UBE2G1: variants seen among roughly 807,000 people sequenced by gnomAD.
The protein encoded by UBE2G1 is ubiquitin-conjugating enzyme E2 G1.
A neutral mutation model predicts 22.7 loss-of-function variants in UBE2G1; 5 were observed. The observed-to-expected ratio is 0.22, with a 90% CI of 0.12 to 0.46. UBE2G1 has a LOEUF of 0.46. UBE2G1 is among the 20% of genes least tolerant of loss of function. The pLI is 0.99. For missense variants in UBE2G1, 88 were observed against 203.9 expected (o/e 0.43, Z 3.46); for synonymous variants, 74 against 67.5 (o/e 1.10, Z -0.47).
At chr17:4,301,627 C>G (rs1969181071) in intron 2 of UBE2G1, 3 of 943,666 alleles carry the variant, frequency 3.2e-6, no homozygotes, top group South Asian at 1.3e-5. Context: ...TGATGGGGCA[C>G]AATTACTTTT....
At chr17:4,362,476 C>T (rs1315791863) in intron 1 of UBE2G1, among the ~76,000 whole-genome samples, 1 of 152,078 alleles carries the variant, frequency 6.6e-6, no homozygotes, top group East Asian at 1.9e-4. Flanking sequence ...ACAGAATAGG[C>T]CCTACAACAA....
chr17:4,365,954 G>C (rs1206861624), intron 1 of UBE2G1, among the ~76,000 whole-genome samples: 1 of 152,050 alleles, frequency 6.6e-6, no homozygotes, highest in Non-Finnish European at 1.5e-5. Flanking sequence ...TGGCGGCCCC[G>C]GCCTGGGGAC....
intron 1 of UBE2G1, among the ~76,000 whole-genome samples, chr17:4,355,067 G>C (rs150600428): frequency 5.3e-5 from 8 of 152,130 alleles, no homozygotes; most frequent in South Asian, 2.1e-4. Context: ...ACTCTAGTCC[G>C]GACAACAGAG....
At chr17:4,291,081 C>T (rs555144143) in intron 3 of UBE2G1, among the ~76,000 whole-genome samples, 1 of 152,264 alleles carries the variant, frequency 6.6e-6, no homozygotes, top group South Asian at 2.1e-4. Context: ...ACACCGAGGG[C>T]CGGGCGTGGT....
chr17:4,273,005 ATT>A (rs1299501292), intron 5 of UBE2G1, among the ~76,000 whole-genome samples: 2 of 152,216 alleles, frequency 1.3e-5, no homozygotes, highest in Non-Finnish European at 2.9e-5. Flanking sequence ...AACTTGCTAA[ATT>A]CTATCTAACT....
intron 5 of UBE2G1, among the ~76,000 whole-genome samples, chr17:4,278,413 T>C (rs916586804): frequency 4.6e-5 from 7 of 151,848 alleles, no homozygotes; most frequent in Non-Finnish European, 8.8e-5. Flanking sequence ...ACACTAACAC[T>C]AACCACAGCT....
chr17:4,353,566 G>T (rs1010034287), intron 1 of UBE2G1, among the ~76,000 whole-genome samples: 3 of 149,738 alleles, frequency 2.0e-5, no homozygotes, highest in Non-Finnish European at 4.4e-5. Flanking sequence ...TGGCGATCTT[G>T]GCTCACTGCA....
At chr17:4,296,932 A>T in intron 2 of UBE2G1, 118 bp from the exon 3 acceptor site, 1 of 808,134 alleles carries the variant, frequency 1.2e-6, no homozygotes, top group Non-Finnish European at 2.0e-6. Context: ...AAGTAAACAA[A>T]TAATCTGGAT....
intron 2 of UBE2G1, chr17:4,302,209 G>A: frequency 2.0e-6 from 1 of 507,072 alleles, no homozygotes; most frequent in Non-Finnish European, 4.0e-6. Flanking sequence ...CAGGCAGCAA[G>A]TGCAATGAAC....
At chr17:4,294,566 G>A (rs1336779058) in intron 3 of UBE2G1, among the ~76,000 whole-genome samples, 3 of 152,036 alleles carry the variant, frequency 2.0e-5, no homozygotes, top group Non-Finnish European at 4.4e-5. Flanking sequence ...TTACCAGAAG[G>A]GAAGTCTCCC....
At chr17:4,348,470 G>A (rs141896939) in intron 1 of UBE2G1, among the ~76,000 whole-genome samples, 1,726 of 149,386 alleles carry the variant, frequency 0.012, 37 homozygotes, top group African/African-American at 0.04. Flanking sequence ...GGAGAATGGC[G>A]TGAATCCGGG....
intron 1 of UBE2G1, among the ~76,000 whole-genome samples, chr17:4,340,764 A>T (rs1969701728): frequency 6.6e-6 from 1 of 150,954 alleles, no homozygotes; most frequent in South Asian, 2.1e-4. Flanking sequence ...TACCCAACAT[A>T]CTATTTTTTT....
intron 3 of UBE2G1, among the ~76,000 whole-genome samples, chr17:4,295,863 C>T (rs907964267): frequency 6.7e-6 from 1 of 148,624 alleles, no homozygotes; most frequent in Non-Finnish European, 1.5e-5. Flanking sequence ...AGAACTGCCA[C>T]CGTGTGGATT....
intron 1 of UBE2G1, among the ~76,000 whole-genome samples, chr17:4,353,659 C>A (rs972258313): frequency 6.6e-6 from 1 of 151,652 alleles, no homozygotes. Context: ...ACTACAGGCA[C>A]GTGCCACCAC....
chr17:4,364,954 C>G (rs905852275), intron 1 of UBE2G1, among the ~76,000 whole-genome samples: 23 of 152,228 alleles, frequency 1.5e-4, no homozygotes, highest in Admixed American at 1.4e-3. Context: ...TTACTGCAAG[C>G]TAACTCCCCC....
intron 5 of UBE2G1, among the ~76,000 whole-genome samples, chr17:4,281,410 C>T (rs757112785): frequency 6.6e-6 from 1 of 152,064 alleles, no homozygotes; most frequent in Admixed American, 6.6e-5. Context: ...GAGAAAGGGA[C>T]AGAAGAAAGC....
intron 1 of UBE2G1, among the ~76,000 whole-genome samples, chr17:4,338,324 A>G (rs1234785141): frequency 6.6e-6 from 1 of 152,194 alleles, no homozygotes; most frequent in Admixed American, 6.5e-5. Context: ...TAAGTATAAA[A>G]TATGTTTCCA....
At chr17:4,355,003 G>C (rs569426861) in intron 1 of UBE2G1, among the ~76,000 whole-genome samples, 1 of 151,956 alleles carries the variant, frequency 6.6e-6, no homozygotes, top group African/African-American at 2.4e-5. Context: ...GAGGGAGGAG[G>C]ATTGCTTGAG....
chr17:4,274,105 C>T (rs931138545), intron 5 of UBE2G1, among the ~76,000 whole-genome samples: 3 of 151,502 alleles, frequency 2.0e-5, no homozygotes, highest in East Asian at 1.9e-4. Flanking sequence ...CTCAGCCTCC[C>T]GAGTAGCTGG....
Sources: gnomAD v4.1 joint callset for allele counts (sites outside exome capture counted in the v4.1 genomes callset) on GRCh38, gnomAD v4.1.1 for gene constraint, MANE v1.5 for transcripts, NCBI Gene and HGNC (gene_info 2026-07-23, HGNC 2026-07-21) for gene names.